Variants in GALNTL6 observed in about 807,000 individuals in gnomAD.
GALNTL6 encodes polypeptide N-acetylgalactosaminyltransferase-like 6.
Under a neutral mutation model 73.7 loss-of-function variants are expected in GALNTL6, and 46 were observed. The observed-to-expected ratio is 0.62, with a 90% confidence interval of 0.49 to 0.80. GALNTL6 has a LOEUF of 0.80. Among genes scored for constraint, GALNTL6 ranks in the 30% least tolerant of loss-of-function variants. GALNTL6 has a pLI of 0.00. For synonymous variants in GALNTL6, 259 were observed against 263.7 expected (o/e 0.98, Z 0.17); for missense variants, 604 against 755.0 (o/e 0.80, Z 2.34).
chr4:171,920,601 T>C (rs919078495), intron 2 of GALNTL6, among the ~76,000 whole-genome samples: 1 of 152,070 alleles, frequency 6.6e-6, no homozygotes, highest in African/African-American at 2.4e-5. Flanking sequence ...ATGAACATCA[T>C]TAACACTGAA....
chr4:172,793,813 T>G (rs1242777984), intron 5 of GALNTL6, among the ~76,000 whole-genome samples: 1 of 152,240 alleles, frequency 6.6e-6, no homozygotes, highest in African/African-American at 2.4e-5. Context: ...TATGATTTAT[T>G]GCCTCATTTA....
At chr4:172,244,478 T>G (rs982262029) in intron 3 of GALNTL6, among the ~76,000 whole-genome samples, 2 of 152,288 alleles carry the variant, frequency 1.3e-5, no homozygotes, top group African/African-American at 4.8e-5. Flanking sequence ...TCATAATATC[T>G]CTCTTTAGAA....
intron 5 of GALNTL6, among the ~76,000 whole-genome samples, chr4:172,784,677 G>A (rs1482289659): frequency 6.6e-6 from 1 of 152,092 alleles, no homozygotes; most frequent in African/African-American, 2.4e-5. Context: ...AATTTCCCTA[G>A]GGTGTTTTAA....
intron 5 of GALNTL6, among the ~76,000 whole-genome samples, chr4:172,705,729 T>C (rs1045839996): frequency 1.3e-5 from 2 of 152,146 alleles, no homozygotes; most frequent in African/African-American, 2.4e-5. Context: ...GTTTCAAGGA[T>C]AGCTTTGTTG....
chr4:172,749,212 T>C (rs1011313414), intron 5 of GALNTL6, among the ~76,000 whole-genome samples: 1 of 152,104 alleles, frequency 6.6e-6, no homozygotes, highest in Non-Finnish European at 1.5e-5. Context: ...ATCATGTATG[T>C]CACTGTTTTT....
At position 172,763,814 on chromosome 4, in the gene GALNTL6, C is replaced by G. The variant is rs28712408; in HGVS notation, c.554-45547C>G. ...GTAGCCCTAGAATAAAAATGAAGAC[C>G]TAAGAATCGTGATCAATACTTCAGC... On this transcript the variant is annotated intron_variant, in intron 5 of 12. Transcript: ENST00000506823. Among the ~76,000 whole-genome samples the G allele has an allele frequency of 7.2e-3, 1,094 of 152,226 alleles. 12 individuals carry two copies. The highest frequency in any genetic ancestry group is 0.025 in the African/African-American group (1,043 of 41,546).
At chr4:172,061,293 A>G (rs1349740450) in intron 2 of GALNTL6, among the ~76,000 whole-genome samples, 2 of 152,220 alleles carry the variant, frequency 1.3e-5, no homozygotes, top group East Asian at 3.9e-4. Context: ...GTTTAAAAAA[A>G]TTCACCCAGT....
At chr4:172,808,289 G>A (rs1560966610) in intron 5 of GALNTL6, among the ~76,000 whole-genome samples, 3 of 152,308 alleles carry the variant, frequency 2.0e-5, no homozygotes, top group South Asian at 2.1e-4. Flanking sequence ...ACTCCAATAC[G>A]GAGTAATTCT....
chr4:172,636,764 TAATCA>T (rs1381989232), intron 5 of GALNTL6, among the ~76,000 whole-genome samples: 2 of 152,212 alleles, frequency 1.3e-5, no homozygotes, highest in East Asian at 3.8e-4. Context: ...ATATGCTTCT[TAATCA>T]AAGGCTCCTG....
At chr4:172,085,697 ATG>A (rs1296691761) in intron 2 of GALNTL6, among the ~76,000 whole-genome samples, 1 of 151,562 alleles carries the variant, frequency 6.6e-6, no homozygotes, top group Non-Finnish European at 1.5e-5. Flanking sequence ...TAAAATATAA[ATG>A]TATTTAAAAA....
At chr4:172,655,471 C>T (rs984091368) in intron 5 of GALNTL6, among the ~76,000 whole-genome samples, 4 of 152,172 alleles carry the variant, frequency 2.6e-5, no homozygotes, top group Non-Finnish European at 5.9e-5. Flanking sequence ...AGCCCCACGT[C>T]CATCGTTTGA....
At chr4:172,050,854 A>C (rs909939438) in intron 2 of GALNTL6, among the ~76,000 whole-genome samples, 5 of 152,144 alleles carry the variant, frequency 3.3e-5, no homozygotes, top group African/African-American at 1.2e-4. Flanking sequence ...AAGTGAGAAT[A>C]ATTTATCTGG....
chr4:172,182,152 A>G (rs1735267816), intron 2 of GALNTL6, among the ~76,000 whole-genome samples: 1 of 152,228 alleles, frequency 6.6e-6, no homozygotes, highest in Non-Finnish European at 1.5e-5. Flanking sequence ...GTGAACTCCC[A>G]TTCACAATTT....
chr4:172,156,557 A>AC (rs1407036245), intron 2 of GALNTL6, among the ~76,000 whole-genome samples: 15 of 135,238 alleles, frequency 1.1e-4, no homozygotes, highest in African/African-American at 4.1e-4. Context: ...ATATATATAT[A>AC]TATATATATA....
chr4:172,981,474 C>A (rs1751060390), intron 10 of GALNTL6, among the ~76,000 whole-genome samples: 1 of 152,216 alleles, frequency 6.6e-6, no homozygotes, highest in South Asian at 2.1e-4. Context: ...TGTTAAACAC[C>A]TTTTCATGTA....
chr4:172,141,177 A>C (rs1362140540), intron 2 of GALNTL6, among the ~76,000 whole-genome samples: 1 of 152,040 alleles, frequency 6.6e-6, no homozygotes, highest in Non-Finnish European at 1.5e-5. Context: ...GAGAGAGAGC[A>C]GAAAAGCTTT....
Position 172,655,096 on chromosome 4 carries a change from G to A in GALNTL6, c.554-154265G>A, listed in dbSNP as rs918590500. Among the ~76,000 whole-genome samples the A allele has an allele frequency of 9.2e-5, 14 of 152,132 alleles. No homozygotes were observed. The South Asian group carries it at 1.2e-3, about 14-fold the overall frequency. ...ACAATTCTATAATGGGTGTATTTTAGGTCATAGATTTTTATAATATTTAAT... is the reference window on the plus strand; with the variant it reads ...ACAATTCTATAATGGGTGTATTTTAAGTCATAGATTTTTATAATATTTAAT... On this transcript the variant is annotated intron_variant, in intron 5 of 12. Transcript: ENST00000506823.
intron 3 of GALNTL6, among the ~76,000 whole-genome samples, chr4:172,284,528 G>A (rs1245066586): frequency 1.3e-5 from 2 of 150,994 alleles, no homozygotes; most frequent in African/African-American, 4.9e-5. Context: ...TGTTGCTTGT[G>A]CTCTTATGGT....
At chr4:171,875,995 A>G (rs1674685516) in intron 2 of GALNTL6, among the ~76,000 whole-genome samples, 2 of 152,108 alleles carry the variant, frequency 1.3e-5, no homozygotes, top group Admixed American at 1.3e-4. Flanking sequence ...GTTTAAAACT[A>G]TGTTTAGTTA....
Sources: allele counts gnomAD v4.1 joint callset (sites outside exome capture counted in the v4.1 genomes callset), GRCh38; gene constraint gnomAD v4.1.1; transcripts MANE v1.5; gene names NCBI Gene and HGNC (gene_info 2026-07-23, HGNC 2026-07-21).